Variants in FSCN2 observed in about 807,000 individuals in gnomAD.
The protein encoded by FSCN2 is fascin-2.
In FSCN2, 46 loss-of-function variants were observed where a neutral mutation model predicts 37.8. The observed-to-expected ratio is 1.22, with a 90% confidence interval of 0.96 to 1.56. The LOEUF (loss-of-function observed/expected upper bound fraction) is 1.56, where lower values mean the gene tolerates loss of function less well. Among genes scored for constraint, FSCN2 ranks in the 40% most tolerant of loss-of-function variants. FSCN2 has a pLI of 0.00. For missense variants in FSCN2, 844 were observed against 730.4 expected (o/e 1.16, Z -1.79); for synonymous variants, 351 against 309.4 (o/e 1.13, Z -1.41).
chr17:81,532,265 AGTGATGGTGGTGATG>A (rs1187377906), intron 1 of FSCN2, among the ~76,000 whole-genome samples: 11 of 56,156 alleles, frequency 2.0e-4, no homozygotes, highest in Admixed American at 5.5e-4. Flanking sequence ...TGATGATGAT[AGTGATGGTGGTGATG>A]GTGATGGTGG....
At chr17:81,515,552 T>C in the FSCN2 span, among the ~76,000 whole-genome samples, 25 of 152,344 alleles carry the variant, frequency 1.6e-4, no homozygotes, top group African/African-American at 5.5e-4. Flanking sequence ...ATTTAGTGGA[T>C]ACGACAACAG....
rs2032873016 is a variant in FSCN2 at position 81,536,235 on chromosome 17, A to G, written c.1073A>G (p.Asn358Ser). Residue 358 changes from asparagine to serine, a missense_variant, in exon 3 of 5, where the codon AAT becomes AGT. Asn to Ser is a conservative substitution (Grantham distance 46). Coordinates refer to ENST00000417245, the MANE Select transcript of FSCN2 (RefSeq NM_012418.4). ...SNGRYVCMKKNGQLAAISDFV... is the reference protein window; with the variant it reads ...SNGRYVCMKKSGQLAAISDFV... ...GGGCGCTACGTGTGCATGAAGAAGA[A>G]TGGGCAGCTGGCGGCTATCAGCGAT... The G allele has an allele frequency of 1.9e-6, 3 of 1,602,144 alleles. No individual in the cohort carries two copies. In the Admixed American group the frequency reaches 5.1e-5, roughly 27 times the overall value.
In FSCN2 at chr17:81,536,842, G is replaced by A. The variant is rs2032898700; in HGVS notation, c.1274-33G>A. 4 of 1,550,294 alleles carry A rather than the reference G, an allele frequency of 2.6e-6. No homozygotes were observed. In the East Asian group the frequency reaches 7.1e-5, roughly 28 times the overall value. ...GGAGCGGGGGTGGCAGCGGGCAGGT[G>A]GGCACCCCCGCCGACGCCGTCCCGT... On this transcript the variant is annotated intron_variant, in intron 4 of 4. Coordinates refer to ENST00000417245, the MANE Select transcript of FSCN2 (RefSeq NM_012418.4).
intron 2 of FSCN2, among the ~76,000 whole-genome samples, chr17:81,535,919 C>T (rs1437217131): frequency 6.6e-6 from 1 of 150,654 alleles, no homozygotes; most frequent in Non-Finnish European, 1.5e-5. Flanking sequence ...TTCCCATCAC[C>T]TGCACCATCA....
At position 81,529,367 on chromosome 17, in the gene FSCN2, G is replaced by T; in HGVS notation, c.826+10G>T. On this transcript the variant is annotated intron_variant, in intron 1 of 4. Coordinates refer to ENST00000417245, the MANE Select transcript of FSCN2 (RefSeq NM_012418.4). ...GTCTCTGTGCGGCAAGGTAGGGAGG[G>T]CACAGGTGGCGACCTCCTGAGGGGT... 1.3e-6 allele frequency: 2 copies of T among 1,527,384 alleles called. No individual in the cohort carries two copies. Among genetic ancestry groups the T allele is most frequent in the South Asian group, 1.3e-5 (1 of 77,232 alleles). 94.6% of individuals were successfully genotyped at this position (1,527,384 alleles called of 1,614,324 possible).
chr17:81,520,007 G>A, the FSCN2 span, among the ~76,000 whole-genome samples: 427 of 152,340 alleles, frequency 2.8e-3, 7 homozygotes, highest in East Asian at 0.012. Flanking sequence ...GGGCTGGAGG[G>A]GTGGGACTCA....
chr17:81,532,010 AGTG>A (rs1280271268), intron 1 of FSCN2, among the ~76,000 whole-genome samples: 23 of 46,196 alleles, frequency 5.0e-4, no homozygotes, highest in Admixed American at 1.1e-3. Flanking sequence ...TGGTGATGGT[AGTG>A]GTGGTGATGA....
chr17:81,531,510 ATGG>A (rs2032599086), intron 1 of FSCN2, among the ~76,000 whole-genome samples: 1 of 89,484 alleles, frequency 1.1e-5, no homozygotes, highest in Non-Finnish European at 2.3e-5. Flanking sequence ...GATGGTGGTG[ATGG>A]TGATGGTGGT....
chr17:81,515,625 A>G, the FSCN2 span, among the ~76,000 whole-genome samples: 1 of 152,322 alleles, frequency 6.6e-6, no homozygotes, highest in African/African-American at 2.4e-5. Flanking sequence ...CACGGCCTGC[A>G]CTGCCCCACC....
chr17:81,524,261 G>T (rs930894264), upstream of FSCN2, among the ~76,000 whole-genome samples: 105 of 152,112 alleles, frequency 6.9e-4, 3 homozygotes, highest in Non-Finnish European at 2.9e-4. Flanking sequence ...AGGGGATTCT[G>T]ATGGCTGAGG....
chr17:81,527,939 G>A (rs1224117408), upstream of FSCN2, among the ~76,000 whole-genome samples: 6 of 152,234 alleles, frequency 3.9e-5, no homozygotes, highest in African/African-American at 1.2e-4. Flanking sequence ...TCTGGCAGCA[G>A]GAATCAGAGA....
At position 81,536,248 on chromosome 17, in the gene FSCN2, G is replaced by A. The variant is rs368154602; in HGVS notation, c.1086G>A (p.Ala362=). 1.5e-4 allele frequency: 244 copies of A among 1,600,410 alleles called. 1 individual carries two copies. Among genetic ancestry groups the A allele is most frequent in the Admixed American group, 8.6e-5 (5 of 58,118 alleles). ...GCATGAAGAAGAATGGGCAGCTGGC[G>A]GCTATCAGCGATTTTGTCGGTGAGC... ...YVCMKKNGQL[A]AISDFVGKDE... The change falls in exon 3 of 5, where the codon GCG becomes GCA. Residue 362 remains alanine (A), a synonymous_variant. Coordinates refer to ENST00000417245, the MANE Select transcript of FSCN2 (RefSeq NM_012418.4).
intron 2 of FSCN2, 41 bp downstream of exon 2, chr17:81,535,249 CCACCAT>C (rs2032809798): frequency 7.1e-7 from 1 of 1,416,444 alleles, no homozygotes; most frequent in Non-Finnish European, 9.5e-7. Flanking sequence ...ATCCCCATCC[CCACCAT>C]CACCATCCCC....
chr17:81,536,453 T>C, intron 3 of FSCN2, 169 bp from the exon 4 acceptor site: 2 of 1,490,254 alleles, frequency 1.3e-6, no homozygotes, highest in Non-Finnish European at 1.8e-6. Context: ...TGAATGTCCT[T>C]ATCTCCGCTG....
chr17:81,527,970 G>T (rs1352851968), upstream of FSCN2, among the ~76,000 whole-genome samples: 1 of 152,188 alleles, frequency 6.6e-6, no homozygotes, highest in East Asian at 1.9e-4. Context: ...GGATCCAGCT[G>T]AGGGCCTGGC....
At chr17:81,516,566 G>A in the FSCN2 span, among the ~76,000 whole-genome samples, 1 of 152,254 alleles carries the variant, frequency 6.6e-6, no homozygotes, top group East Asian at 1.9e-4. Flanking sequence ...TGCCTCTTCA[G>A]GAACAGTGGT....
intron 1 of FSCN2, among the ~76,000 whole-genome samples, chr17:81,531,465 A>ATGG (rs1406798739): frequency 2.8e-5 from 2 of 71,722 alleles, no homozygotes; most frequent in African/African-American, 5.9e-5. Flanking sequence ...GATGGTGATG[A>ATGG]TGGTGGTGGT....
At chr17:81,536,556 C>T (rs896632962) in intron 3 of FSCN2, 66 bp from the exon 4 acceptor site, 4 of 1,588,654 alleles carry the variant, frequency 2.5e-6, no homozygotes, top group East Asian at 2.3e-5. Flanking sequence ...CCAGGGCCCC[C>T]ACCCCGCCCG....
intron 2 of FSCN2, 59 bp from the exon 3 acceptor site, chr17:81,536,087 T>G: frequency 1.3e-6 from 2 of 1,569,956 alleles, no homozygotes; most frequent in Middle Eastern, 1.7e-4. Flanking sequence ...GATGGGGAAG[T>G]GAGACCCTGC....
Sources: allele counts gnomAD v4.1 joint callset (sites outside exome capture counted in the v4.1 genomes callset), GRCh38; gene constraint gnomAD v4.1.1; transcripts MANE v1.5; gene names NCBI Gene and HGNC (gene_info 2026-07-23, HGNC 2026-07-21).